The following NKTR variants were observed in gnomAD, a reference collection of about 807,000 sequenced individuals.
The protein encoded by NKTR is natural killer cell triggering receptor.
In NKTR, 67 loss-of-function variants were observed where a neutral mutation model predicts 156.3. The ratio of observed to expected loss-of-function variants is 0.43; its 90% CI spans 0.35 to 0.53. The LOEUF (loss-of-function observed/expected upper bound fraction) is 0.53. Among genes scored for constraint, NKTR ranks in the 20% least tolerant of loss-of-function variants. NKTR has a pLI of 0.01. For synonymous variants in NKTR, 640 were observed against 596.6 expected, an observed-to-expected ratio of 1.07 and a Z score of -1.06; for missense variants, 1,604 against 1,730.9, an observed-to-expected ratio of 0.93 and a Z score of 1.30.
At chr3:42,630,644 T>C (rs1708810364) in intron 7 of NKTR, 69 bp downstream of exon 7, 3 of 1,607,034 alleles carry the variant, frequency 1.9e-6, no homozygotes, top group Non-Finnish European at 1.7e-6. Context: ...GATTGGACCA[T>C]GGTTGAGCCC....
intron 2 of NKTR, among the ~76,000 whole-genome samples, chr3:42,615,489 A>C (rs1428750691): frequency 6.6e-6 from 1 of 151,870 alleles, no homozygotes; most frequent in East Asian, 1.9e-4. Flanking sequence ...GTACTACTGG[A>C]GGGTACACAA....
At chr3:42,629,358 G>A in intron 6 of NKTR, 1 of 946,684 alleles carries the variant, frequency 1.1e-6, no homozygotes, top group Non-Finnish European at 1.3e-6. Flanking sequence ...TTCTTAAGTT[G>A]ACATTTTAAT....
At chr3:42,621,616 T>C in intron 6 of NKTR, 100 bp downstream of exon 6, 1 of 1,230,734 alleles carries the variant, frequency 8.1e-7, no homozygotes, top group Non-Finnish European at 1.1e-6. Flanking sequence ...TAAAATTCTG[T>C]CAGCTTTATT....
Position 42,634,652 on chromosome 3 carries a change from A to T in NKTR, c.969A>T (p.Lys323Asn), listed in dbSNP as rs1709217359. 2 of 1,605,028 alleles carry T rather than the reference A, an allele frequency of 1.2e-6. No homozygotes were observed. Among genetic ancestry groups the T allele is most frequent in the African/African-American group, 2.7e-5 (2 of 74,676 alleles). ...PDVAPIVSDQ[K>N]PSVSKSGRKI... ...TTGCACCCATTGTAAGTGATCAGAA[A>T]CCATCTGTATCAAAGTCTGGACGGA... The change falls in exon 11 of 17, where the codon AAA (lysine) becomes AAT (asparagine). Residue 323 changes from lysine to asparagine, a missense_variant. Physicochemically the swap from Lys to Asn is moderately conservative, Grantham distance 94 (BLOSUM62 0). Around this residue, in one of 6 missense-constraint regions of NKTR, gnomAD observed 1,255 missense variants for 1,243.7 expected, o/e 1.01. Coordinates refer to ENST00000232978, the MANE Select transcript of NKTR (RefSeq NM_005385.4).
At chr3:42,619,780 TGAGAA>T in intron 5 of NKTR, 72 bp downstream of exon 5, 1 of 1,580,550 alleles carries the variant, frequency 6.3e-7, no homozygotes, top group Non-Finnish European at 8.6e-7. Flanking sequence ...ATACTTTTAA[TGAGAA>T]GAGGTTTACT....
chr3:42,647,794 G>T lies in NKTR; in HGVS notation c.*1819G>T, dbSNP rs1373960745. Reference sequence around the variant, plus strand: ...TTAGGTTAAGAAAAGTTACCCTTGGGCAGTGTATTAGTTTTCTATTGCTGT... The same window carrying T: ...TTAGGTTAAGAAAAGTTACCCTTGGTCAGTGTATTAGTTTTCTATTGCTGT... On this transcript the variant is annotated 3_prime_UTR_variant, in exon 17 of 17. Coordinates refer to ENST00000232978, the MANE Select transcript of NKTR (RefSeq NM_005385.4). The T allele has an allele frequency of 6.6e-6, 1 of 152,146 alleles. No individual in the cohort carries two copies. The highest frequency in any genetic ancestry group is 1.5e-5 in the Non-Finnish European group (1 of 68,028). 9.4% of individuals were successfully genotyped at this position (152,146 alleles called of 1,614,324 possible). A position where few individuals can be genotyped will look rare whatever the true frequency, so the allele number is the denominator to read the frequency against.
At position 42,637,747 on chromosome 3, in the gene NKTR, C is replaced by T. The variant is rs1215022485; in HGVS notation, c.2043C>T (p.Tyr681=). The change falls in exon 13 of 17, where the codon TAC becomes TAT. Residue 681 remains tyrosine, a synonymous_variant. Transcript: ENST00000232978. ...SESDQSTYSK[Y]SDRSSESSPR... is the part of the protein sequence containing the mutation. ...GTGATCAGAGCACTTATTCAAAATA[C>T]AGTGATAGAAGTTCAGAAAGCTCAC... The T allele has an allele frequency of 1.9e-6, 3 of 1,613,774 alleles. No individual in the cohort carries two copies. The highest frequency in any genetic ancestry group is 3.3e-5 in the Admixed American group (2 of 59,960).
At chr3:42,620,871 T>G in intron 5 of NKTR, 11 of 964,372 alleles carry the variant, frequency 1.1e-5, no homozygotes, top group Non-Finnish European at 1.4e-5. Context: ...CACAGGGCTT[T>G]CTTCCTTAGA....
intron 10 of NKTR, 21 bp downstream of exon 10, chr3:42,633,756 A>G (rs774727843): frequency 1.4e-5 from 22 of 1,612,702 alleles, no homozygotes; most frequent in Non-Finnish European, 1.8e-5. Context: ...TGACTAAACT[A>G]TTTATTTTTA....
chr3:42,624,542 T>C (rs575353160), intron 6 of NKTR, among the ~76,000 whole-genome samples: 38 of 152,226 alleles, frequency 2.5e-4, no homozygotes, highest in African/African-American at 8.9e-4. Context: ...TCCAACCTTT[T>C]CATTCTGTAG....
intron 5 of NKTR, chr3:42,620,133 G>A: frequency 6.9e-7 from 1 of 1,456,412 alleles, no homozygotes. Flanking sequence ...GTCAGGTTGT[G>A]GCTGGATTTC....
At chr3:42,642,653 T>A in intron 14 of NKTR, 57 bp downstream of exon 14, 1 of 1,217,266 alleles carries the variant, frequency 8.2e-7, no homozygotes, top group Non-Finnish European at 1.2e-6. Flanking sequence ...TTTTTAAGGC[T>A]ACATAGGCAG....
At position 42,646,229 on chromosome 3, in the gene NKTR, C is replaced by G; in HGVS notation, c.*254C>G. ...ATTTCATTTTCTTGAATCAAGAAAT[C>G]GTGAAATTTATCTATGTATAATTTG... On this transcript the variant is annotated 3_prime_UTR_variant, in exon 17 of 17. Coordinates refer to ENST00000232978, the MANE Select transcript of NKTR (RefSeq NM_005385.4). 1 of 344,450 alleles carries G rather than the reference C, an allele frequency of 2.9e-6. No individual in the cohort carries two copies. Among genetic ancestry groups the G allele is most frequent in the South Asian group, 4.7e-5 (1 of 21,120 alleles). 21.3% of individuals were successfully genotyped at this position (344,450 alleles called of 1,614,324 possible).
chr3:42,637,939 T>C lies in NKTR; in HGVS notation c.2235T>C (p.Thr745=). ...HSQCSRSSSY[T]SISSDDGRRA... ...AGTGTAGTAGATCATCTTCATATAC[T>C]TCTATTAGCAGTGATGATGGAAGGC... Residue 745 remains threonine, a synonymous_variant, in exon 13 of 17, where the codon ACT becomes ACC. Coordinates refer to ENST00000232978, the MANE Select transcript of NKTR (RefSeq NM_005385.4). 1 of 1,613,958 alleles carries C rather than the reference T, an allele frequency of 6.2e-7. No homozygotes were observed. The highest frequency in any genetic ancestry group is 1.7e-5 in the Admixed American group (1 of 60,022).
chr3:42,619,378 T>C, intron 4 of NKTR: 1 of 1,182,216 alleles, frequency 8.5e-7, no homozygotes, highest in Non-Finnish European at 1.1e-6. Flanking sequence ...TCCTTTACAA[T>C]GAATGCCAAA....
intron 6 of NKTR, chr3:42,623,888 CAAT>C (rs1708138881): frequency 6.6e-6 from 1 of 152,050 alleles, no homozygotes; most frequent in South Asian, 2.1e-4. Flanking sequence ...TTTATAGGCT[CAAT>C]AAGGATTTTT....
chr3:42,638,109 G>T lies in NKTR; in HGVS notation c.2405G>T (p.Arg802Ile), dbSNP rs551626522. 6.2e-7 allele frequency: 1 copy of T among 1,614,028 alleles called. No homozygotes were observed. Among genetic ancestry groups the T allele is most frequent in the Non-Finnish European group, 8.5e-7 (1 of 1,180,008 alleles). The change falls in exon 13 of 17, where the codon AGA (arginine) becomes ATA (isoleucine). Residue 802 changes from arginine (R) to isoleucine (I), a missense_variant. Arg to Ile is a moderately conservative substitution (Grantham distance 97). Coordinates refer to ENST00000232978, the MANE Select transcript of NKTR (RefSeq NM_005385.4). Reference protein sequence around the residue: ...SSCVRKYSESRSSLDYSSDSE... With the variant: ...SSCVRKYSESISSLDYSSDSE... Reference sequence around the variant, plus strand: ...TGTGTGAGAAAGTATAGCGAGAGCAGATCATCTTTAGATTATTCTTCAGAC... The same window carrying T: ...TGTGTGAGAAAGTATAGCGAGAGCATATCATCTTTAGATTATTCTTCAGAC...
chr3:42,614,156 T>C (rs996746029), intron 2 of NKTR, among the ~76,000 whole-genome samples: 8 of 152,182 alleles, frequency 5.3e-5, no homozygotes, highest in African/African-American at 1.9e-4. Flanking sequence ...ATTTGTTGAG[T>C]AACAAATTTT....
rs1370255275 is a variant in NKTR at position 42,629,100 on chromosome 3, G to A, written c.375-1446G>A. 8 of 967,178 alleles carry A rather than the reference G, an allele frequency of 8.3e-6. No individual in the cohort carries two copies. The Admixed American group carries it at 3.7e-4, about 45-fold the overall frequency. 59.9% of individuals were successfully genotyped at this position (967,178 alleles called of 1,614,324 possible). A position where few individuals can be genotyped will look rare whatever the true frequency, so the allele number is the denominator to read the frequency against. On this transcript the variant is annotated intron_variant, in intron 6 of 16. Transcript: ENST00000232978. ...AATTTCTTGTCTTTAGTGTACTTTG[G>A]TAAAGTTTTATAATTAAAGCACATT...
Sources: gnomAD v4.1 joint callset for allele counts (sites outside exome capture counted in the v4.1 genomes callset) on GRCh38, gnomAD v4.1.1 for gene constraint, gnomAD v4.1.1 regional missense constraint, MANE v1.5 for transcripts, NCBI Gene and HGNC (gene_info 2026-07-23, HGNC 2026-07-21) for gene names.